PUDP: variants seen among roughly 807,000 people sequenced by gnomAD.
PUDP encodes the protein pseudouridine 5'-phosphatase.
Under a neutral mutation model 9.4 loss-of-function variants are expected in PUDP, and 8 were observed. The ratio of observed to expected loss-of-function variants is 0.85; its 90% confidence interval spans 0.50 to 1.53. The LOEUF (loss-of-function observed/expected upper bound fraction) is 1.53. Ranked by LOEUF, PUDP falls within the 40% of genes most tolerant of loss-of-function variation. The pLI, the probability that PUDP is intolerant of heterozygous loss-of-function variation, is 0.00. For synonymous variants in PUDP, 99 were observed against 80.7 expected (o/e 1.23, Z -1.22); for missense variants, 188 against 189.7 (o/e 0.99, Z 0.05).
At chrX:6,757,038 G>C (rs112045599) in intron 3 of PUDP, among the ~76,000 whole-genome samples, 2,076 of 112,264 alleles carry the variant, frequency 0.018, 43 homozygotes, top group African/African-American at 0.062. Flanking sequence ...GTAGAGAATA[G>C]ATTATCCTGA....
intron 1 of PUDP, among the ~76,000 whole-genome samples, chrX:7,144,466 T>C (rs1242576565): frequency 1.8e-5 from 2 of 112,143 alleles, no homozygotes; most frequent in African/African-American, 6.5e-5. Context: ...CTGTGGAATT[T>C]TGGCCACACA....
chrX:6,815,124 A>G (rs1187455320), intron 3 of PUDP, among the ~76,000 whole-genome samples: 2 of 104,001 alleles, frequency 1.9e-5, no homozygotes, highest in African/African-American at 4.0e-5. Flanking sequence ...TGCTTGGGGG[A>G]AAAATCAGAT....
Position 7,079,923 on chromosome X carries a change from A to G in PUDP, c.281-2474T>C, listed in dbSNP as rs183072818. 8.0e-5 allele frequency among the ~76,000 whole-genome samples: 9 copies of G among 112,323 alleles called. No homozygotes were observed. In the Admixed American group the frequency reaches 8.5e-4, roughly 11 times the overall value. On this transcript the variant is annotated intron_variant, in intron 2 of 3. Transcript: ENST00000381077. Reference sequence around the variant, plus strand: ...CAATGATTTAAGCTTTTACCTTAAGAAAGTGAAGGAAAAGAGCAAATTAAA... The same window carrying G: ...CAATGATTTAAGCTTTTACCTTAAGGAAGTGAAGGAAAAGAGCAAATTAAA...
At chrX:6,815,244 T>A (rs921960428) in intron 3 of PUDP, among the ~76,000 whole-genome samples, 1 of 108,921 alleles carries the variant, frequency 9.2e-6, no homozygotes, top group African/African-American at 3.3e-5. Flanking sequence ...GCCCCAAATA[T>A]GCCACATTCT....
intron 3 of PUDP, among the ~76,000 whole-genome samples, chrX:6,854,713 T>C (rs1926879411): frequency 9.0e-6 from 1 of 111,015 alleles, no homozygotes; most frequent in African/African-American, 3.3e-5. Context: ...AAACTATATT[T>C]ACTATTCATT....
At chrX:7,048,165 G>A (rs1930010721), downstream of PUDP, among the ~76,000 whole-genome samples, 1 of 112,196 alleles carries the variant, frequency 8.9e-6, no homozygotes, top group Non-Finnish European at 1.9e-5. Flanking sequence ...TTAAGATGAC[G>A]TTGATAGCGC....
At chrX:7,070,176 A>G (rs771618922) in intron 3 of PUDP, among the ~76,000 whole-genome samples, 32 of 112,569 alleles carry the variant, frequency 2.8e-4, no homozygotes, top group African/African-American at 1.0e-3. Flanking sequence ...CAGGAAATTC[A>G]GAAGGGACAC....
intron 3 of PUDP, among the ~76,000 whole-genome samples, chrX:6,932,887 C>G (rs1928219995): frequency 2.7e-5 from 3 of 110,635 alleles, no homozygotes; most frequent in Admixed American, 9.6e-5. Context: ...AGTCTGAGAT[C>G]AAACTGCAAG....
chrX:6,927,619 C>T (rs971770396), intron 3 of PUDP, among the ~76,000 whole-genome samples: 3 of 111,407 alleles, frequency 2.7e-5, no homozygotes, highest in African/African-American at 9.8e-5. Context: ...GGAGCCTTAG[C>T]CCCTAAAGGT....
chrX:7,068,417 G>A lies in PUDP; in HGVS notation c.510+8803C>T, dbSNP rs181809521. 9.1e-3 allele frequency among the ~76,000 whole-genome samples: 1,013 copies of A among 111,820 alleles called. 9 individuals carry two copies. Among genetic ancestry groups the A allele is most frequent in the African/African-American group, 0.031 (939 of 30,764 alleles). On this transcript the variant is annotated intron_variant, in intron 3 of 3. Transcript: ENST00000381077. ...TCTGTGTCTATTGGCTTCTGCTTCC[G>A]TATATCGTGCATTGATAGCCTCTGA...
intron 1 of PUDP, among the ~76,000 whole-genome samples, chrX:7,121,134 A>G (rs1387960663): frequency 4.5e-5 from 5 of 111,943 alleles, no homozygotes; most frequent in African/African-American, 1.6e-4. Flanking sequence ...AAACCTCCAT[A>G]AAGTTGTTTT....
At chrX:6,878,966 CTT>C (rs1927305697) in intron 3 of PUDP, among the ~76,000 whole-genome samples, 1 of 111,957 alleles carries the variant, frequency 8.9e-6, no homozygotes, top group South Asian at 3.8e-4. Context: ...AGCCTCCTCT[CTT>C]GTCAGGACAC....
chrX:6,912,944 C>A (rs754679776), intron 3 of PUDP, among the ~76,000 whole-genome samples: 1 of 112,040 alleles, frequency 8.9e-6, no homozygotes, highest in South Asian at 3.7e-4. Context: ...TACTGCTTTT[C>A]CCTCTGAATA....
intron 3 of PUDP, among the ~76,000 whole-genome samples, chrX:6,799,825 A>G (rs1489464362): frequency 9.0e-6 from 1 of 111,237 alleles, no homozygotes; most frequent in East Asian, 2.8e-4. Context: ...AACAAGAGCG[A>G]AACTCTGTCT....
intron 3 of PUDP, among the ~76,000 whole-genome samples, chrX:6,976,177 C>G (rs1928952698): frequency 8.9e-6 from 1 of 111,870 alleles, no homozygotes; most frequent in Non-Finnish European, 1.9e-5. Flanking sequence ...ACTTGGCTCC[C>G]TGGCTTCAGC....
chrX:6,873,450 T>C (rs1254406445), intron 3 of PUDP, among the ~76,000 whole-genome samples: 2 of 112,241 alleles, frequency 1.8e-5, no homozygotes, highest in African/African-American at 6.5e-5. Context: ...TCATTCATAA[T>C]GAAACACTGA....
chrX:6,894,806 C>T (rs1328668685), intron 3 of PUDP, among the ~76,000 whole-genome samples: 3 of 111,815 alleles, frequency 2.7e-5, no homozygotes, highest in Non-Finnish European at 3.8e-5. Flanking sequence ...GGGAATCAGT[C>T]GTTCGACCCT....
At chrX:7,076,906 A>G (rs1930923505) in intron 3 of PUDP, among the ~76,000 whole-genome samples, 1 of 111,927 alleles carries the variant, frequency 8.9e-6, no homozygotes, top group Non-Finnish European at 1.9e-5. Flanking sequence ...GCCCCACATC[A>G]TTAAAACCGC....
chrX:6,839,055 C>T (rs1161308785), intron 3 of PUDP, among the ~76,000 whole-genome samples: 3 of 112,238 alleles, frequency 2.7e-5, no homozygotes, highest in African/African-American at 6.5e-5. Flanking sequence ...TTTTTATCTT[C>T]TGCATCATAG....
Sources: allele counts gnomAD v4.1 joint callset (sites outside exome capture counted in the v4.1 genomes callset), GRCh38; gene constraint gnomAD v4.1.1; transcripts MANE v1.5; gene names NCBI Gene and HGNC (gene_info 2026-07-23, HGNC 2026-07-21).